ZBED6: variants seen among roughly 807,000 people sequenced by gnomAD.
The protein encoded by ZBED6 is zinc finger BED domain-containing protein 6.
ZBED6 carries 40 observed loss-of-function variants against 58.4 expected under a neutral mutation model. The ratio of observed to expected loss-of-function variants is 0.68; its 90% CI spans 0.53 to 0.89. The LOEUF (loss-of-function observed/expected upper bound fraction) is 0.89. Among genes scored for constraint, ZBED6 ranks in the 40% least tolerant of loss-of-function variants. The pLI is 0.00. For synonymous variants in ZBED6, 439 were observed against 350.6 expected, an observed-to-expected ratio of 1.25 and a Z score of -2.82; for missense variants, 1,057 against 1,003.9, an observed-to-expected ratio of 1.05 and a Z score of -0.71.
At chr1:203,845,086 G>A (rs1687525974) in intron 11 of ZBED6, among the ~76,000 whole-genome samples, 1 of 152,020 alleles carries the variant, frequency 6.6e-6, no homozygotes, top group East Asian at 1.9e-4. Flanking sequence ...TCCTTTGACT[G>A]TATTGGGAGG....
chr1:203,845,439 G>T lies in ZBED6; in HGVS notation c.*3742-1745G>T, dbSNP rs1259026900. ...GAGTGCTTCCTTTGCAATATTACAG[G>T]TACCTAAATACAGTCGTTGTTCTCA... On this transcript the variant is annotated intron_variant, in intron 11 of 16. Transcript: ENST00000550078. 2.0e-5 allele frequency among the ~76,000 whole-genome samples: 3 copies of T among 152,190 alleles called. No homozygotes were observed. The South Asian group carries it at 6.2e-4, about 31-fold the overall frequency.
intron 3 of ZBED6, among the ~76,000 whole-genome samples, chr1:203,825,076 C>CAAAAAA (rs61108073): frequency 8.3e-5 from 9 of 108,932 alleles, no homozygotes; most frequent in African/African-American, 1.4e-4. Flanking sequence ...GACTCCGTCT[C>CAAAAAA]AAAAAAAAAA....
At chr1:203,838,050 A>G in exon 10 of ZBED6, 2 of 1,614,194 alleles carry the variant, frequency 1.2e-6, no homozygotes, top group Non-Finnish European at 1.7e-6. Context: ...AACATTGACA[A>G]AACACCAAAG....
intron 1 of ZBED6, among the ~76,000 whole-genome samples, chr1:203,810,127 G>GT (rs1186513766): frequency 3.3e-5 from 5 of 150,588 alleles, no homozygotes; most frequent in East Asian, 3.9e-4. Flanking sequence ...CTGGAGTGGT[G>GT]TTTTTTTTGT....
chr1:203,838,811 G>A (rs1194253768), intron 10 of ZBED6, among the ~76,000 whole-genome samples: 1 of 151,978 alleles, frequency 6.6e-6, no homozygotes, highest in Admixed American at 6.6e-5. Context: ...AAATTAGCTG[G>A]GCAGGGTGGC....
chr1:203,812,394 C>T (rs1206974551), intron 1 of ZBED6, among the ~76,000 whole-genome samples: 2 of 152,074 alleles, frequency 1.3e-5, no homozygotes, highest in African/African-American at 4.8e-5. Flanking sequence ...CCTGTTTCTG[C>T]ATTAGTTTGC....
intron 9 of ZBED6, chr1:203,835,887 C>A: frequency 4.1e-6 from 1 of 244,250 alleles, no homozygotes; most frequent in Non-Finnish European, 8.9e-6. Flanking sequence ...AGCAAAAATG[C>A]CCTTGGACCA....
intron 3 of ZBED6, 76 bp from the exon 4 acceptor site, chr1:203,828,223 G>C: frequency 6.4e-7 from 1 of 1,571,748 alleles, no homozygotes; most frequent in Non-Finnish European, 8.7e-7. Context: ...TATGAACTTT[G>C]TCTAGAAAAC....
At chr1:203,811,143 CAAAA>C (rs535589700) in intron 1 of ZBED6, among the ~76,000 whole-genome samples, 8 of 73,612 alleles carry the variant, frequency 1.1e-4, no homozygotes, top group Middle Eastern at 9.3e-3. Flanking sequence ...AACTCTGTCA[CAAAA>C]AAAAAAAAAA....
At chr1:203,803,267 C>T (rs1166728101) in intron 1 of ZBED6, among the ~76,000 whole-genome samples, 1 of 152,116 alleles carries the variant, frequency 6.6e-6, no homozygotes, top group Non-Finnish European at 1.5e-5. Context: ...TCTTGGCTCA[C>T]TGCAACCTCC....
intron 1 of ZBED6, among the ~76,000 whole-genome samples, chr1:203,812,217 C>T (rs1674719684): frequency 6.6e-6 from 1 of 152,140 alleles, no homozygotes; most frequent in South Asian, 2.1e-4. Flanking sequence ...ATTATTTCAT[C>T]ACCCAGGTAT....
chr1:203,817,004 G>A (rs1397118017), exon 2 of ZBED6: 26 of 1,192,894 alleles, frequency 2.2e-5, no homozygotes, highest in Middle Eastern at 5.5e-4. Context: ...CTTGGAGCCT[G>A]GTCCTTGCTT....
intron 3 of ZBED6, among the ~76,000 whole-genome samples, chr1:203,823,732 T>C (rs921941452): frequency 5.3e-5 from 8 of 152,214 alleles, no homozygotes; most frequent in Non-Finnish European, 8.8e-5. Context: ...TTTTTACACA[T>C]AGGTATTTAC....
exon 1 of ZBED6, chr1:203,798,646 T>C (rs1314582183): frequency 6.5e-7 from 1 of 1,536,094 alleles, no homozygotes; most frequent in South Asian, 1.2e-5. Flanking sequence ...ATGTTAGAGG[T>C]TGAAAACAGA....
intron 1 of ZBED6, among the ~76,000 whole-genome samples, chr1:203,816,506 G>A (rs997136618): frequency 2.6e-5 from 4 of 152,070 alleles, no homozygotes; most frequent in Non-Finnish European, 5.9e-5. Flanking sequence ...GTATGTGCCT[G>A]TAGTCCTGGA....
At chr1:203,852,257 A>G in exon 17 of ZBED6, 3 of 1,613,718 alleles carry the variant, frequency 1.9e-6, no homozygotes, top group Non-Finnish European at 2.5e-6. Flanking sequence ...TCAACAGGAA[A>G]GCCCCCACTC....
chr1:203,850,683 T>G lies in ZBED6; in HGVS notation c.*4805+2T>G. 1 of 1,613,380 alleles carries G rather than the reference T, an allele frequency of 6.2e-7. No homozygotes were observed. Among genetic ancestry groups the G allele is most frequent in the Non-Finnish European group, 8.5e-7 (1 of 1,179,548 alleles). On this transcript the variant is annotated splice_donor_variant, in intron 15 of 16. Coordinates refer to ENST00000550078, the Ensembl canonical transcript of ZBED6. LOFTEE classifies it low-confidence loss of function (3UTR_SPLICE). ...CCCCCAGCCAAAAAGGCAGCTGTGG[T>G]AAGAAGTATATTCACTTTGTGGTGC...
chr1:203,810,734 CGAA>C (rs1674185935), intron 1 of ZBED6, among the ~76,000 whole-genome samples: 1 of 151,988 alleles, frequency 6.6e-6, no homozygotes, highest in Non-Finnish European at 1.5e-5. Flanking sequence ...TTAGATCTGA[CGAA>C]GGAGTTTTTT....
At chr1:203,809,312 A>G (rs1190983351) in intron 1 of ZBED6, among the ~76,000 whole-genome samples, 2 of 150,508 alleles carry the variant, frequency 1.3e-5, no homozygotes, top group Non-Finnish European at 2.9e-5. Flanking sequence ...AGTAACTGGG[A>G]CAACAGGCGC....
Sources: allele counts gnomAD v4.1 joint callset (sites outside exome capture counted in the v4.1 genomes callset), GRCh38; gene constraint gnomAD v4.1.1; transcripts MANE v1.5; gene names NCBI Gene and HGNC (gene_info 2026-07-23, HGNC 2026-07-21).